CHIA: variants seen among roughly 807,000 people sequenced by gnomAD.
CHIA encodes chitinase acidic, also known as acidic mammalian chitinase.
In CHIA, 47 loss-of-function variants were observed where a neutral mutation model predicts 53.5. That is an observed-to-expected ratio of 0.88 (90% CI 0.70 to 1.12). The LOEUF (loss-of-function observed/expected upper bound fraction) is 1.12, where lower values mean the gene tolerates loss of function less well. Ranked by LOEUF, CHIA falls within the 50% of genes most tolerant of loss-of-function variation. The probability of loss-of-function intolerance (pLI) is 0.00; values close to 1 mark genes in which losing one functional copy is unlikely to be tolerated. For synonymous variants in CHIA, 268 were observed against 222.2 expected (o/e 1.21, Z -1.83); for missense variants, 652 against 592.2 (o/e 1.10, Z -1.05).
At chr1:111,311,562 A>G in intron 2 of CHIA, 127 bp from the exon 3 acceptor site, 1 of 1,062,268 alleles carries the variant, frequency 9.4e-7, no homozygotes, top group Non-Finnish European at 1.4e-6. Context: ...AGCCTTTGGA[A>G]TCACCACCAA....
At chr1:111,304,141 C>T (rs72984189) in intron 1 of CHIA, among the ~76,000 whole-genome samples, 1 of 152,082 alleles carries the variant, frequency 6.6e-6, no homozygotes, top group East Asian at 1.9e-4. Context: ...TGGCCAGTTG[C>T]TTCTCTTTTG....
In CHIA at chr1:111,320,332, A is replaced by T; in HGVS notation, c.1297A>T (p.Arg433Ter). 1 of 1,614,232 alleles carries T rather than the reference A, an allele frequency of 6.2e-7. No individual in the cohort carries two copies. Among genetic ancestry groups the T allele is most frequent in the Middle Eastern group, 1.6e-4 (1 of 6,062 alleles). Reference sequence around the variant, plus strand: ...GGGAGGCAGTGGATTCTGTGCTGTCAGAGCCAACGGCCTCTACCCCGTGGC... The same window carrying T: ...GGGAGGCAGTGGATTCTGTGCTGTCTGAGCCAACGGCCTCTACCCCGTGGC... ...SSGGSGFCAV[R>*]ANGLYPVANN... The change falls in exon 12 of 12, where the codon AGA becomes TGA. Residue 433 changes from arginine to a stop codon, truncating the protein, a stop_gained. Transcript: ENST00000369740. LOFTEE classifies it low-confidence loss of function (END_TRUNC).
chr1:111,310,513 T>A, intron 2 of CHIA, 21 bp downstream of exon 2: 1 of 1,614,204 alleles, frequency 6.2e-7, no homozygotes. Flanking sequence ...AATCAGAGAT[T>A]GACCCTTCAT....
intron 6 of CHIA, 83 bp downstream of exon 6, chr1:111,315,518 A>C (rs1300575151): frequency 6.4e-6 from 9 of 1,401,648 alleles, no homozygotes; most frequent in African/African-American, 1.4e-5. Context: ...CTAGGGTAAA[A>C]CAAAACTTGA....
At chr1:111,314,018 C>A (rs993522985) in intron 4 of CHIA, among the ~76,000 whole-genome samples, 10 of 152,154 alleles carry the variant, frequency 6.6e-5, no homozygotes, top group Admixed American at 5.2e-4. Context: ...TTAGTCCCTA[C>A]TGCAATCCAA....
intron 1 of CHIA, among the ~76,000 whole-genome samples, chr1:111,294,188 C>T (rs1367668833): frequency 6.6e-6 from 1 of 152,164 alleles, no homozygotes; most frequent in Non-Finnish European, 1.5e-5. Context: ...TTGAGTCTTC[C>T]AACTCATGAA....
chr1:111,308,279 A>G (rs777101203), intron 1 of CHIA, among the ~76,000 whole-genome samples: 2 of 152,240 alleles, frequency 1.3e-5, no homozygotes, highest in African/African-American at 2.4e-5. Context: ...CCTGAATACG[A>G]TAAACCTGGA....
At chr1:111,314,494 A>C in intron 4 of CHIA, 46 bp from the exon 5 acceptor site, 4 of 1,256,246 alleles carry the variant, frequency 3.2e-6, no homozygotes, top group African/African-American at 1.5e-5. Context: ...AAATGGAGGG[A>C]GTCCTGACTT....
chr1:111,293,421 A>G (rs1386735167), intron 1 of CHIA, among the ~76,000 whole-genome samples: 2 of 151,932 alleles, frequency 1.3e-5, no homozygotes, highest in African/African-American at 4.8e-5. Context: ...TCCATTTTGA[A>G]TCAAGTTGTT....
At chr1:111,313,326 T>G (rs1361817375) in intron 4 of CHIA, among the ~76,000 whole-genome samples, 1 of 152,220 alleles carries the variant, frequency 6.6e-6, no homozygotes, top group Non-Finnish European at 1.5e-5. Flanking sequence ...ACCTTTCATC[T>G]TTTTGATAAC....
chr1:111,296,859 AC>A (rs1361710081), intron 1 of CHIA, among the ~76,000 whole-genome samples: 1 of 152,204 alleles, frequency 6.6e-6, no homozygotes, highest in African/African-American at 2.4e-5. Flanking sequence ...ACCAGAATAA[AC>A]AGTGTAGAGA....
intron 1 of CHIA, among the ~76,000 whole-genome samples, chr1:111,301,836 T>A (rs1317283863): frequency 6.6e-6 from 1 of 151,654 alleles, no homozygotes; most frequent in Non-Finnish European, 1.5e-5. Flanking sequence ...TTCTTACTCA[T>A]AGGTGTAAAT....
At chr1:111,304,853 C>A (rs529814045) in intron 1 of CHIA, among the ~76,000 whole-genome samples, 31 of 152,152 alleles carry the variant, frequency 2.0e-4, no homozygotes, top group Non-Finnish European at 4.3e-4. Context: ...AATGTGGTAT[C>A]TCTGAAAAGC....
chr1:111,297,387 C>T (rs1647259169), intron 1 of CHIA, among the ~76,000 whole-genome samples: 1 of 152,192 alleles, frequency 6.6e-6, no homozygotes, highest in Non-Finnish European at 1.5e-5. Context: ...TCTGCAGAAA[C>T]TCTACAAGCC....
intron 2 of CHIA, 47 bp from the exon 3 acceptor site, chr1:111,311,642 G>A: frequency 1.2e-6 from 2 of 1,605,080 alleles, no homozygotes; most frequent in Non-Finnish European, 1.7e-6. Context: ...AGATTCTACG[G>A]GGTACAGACA....
intron 6 of CHIA, 78 bp downstream of exon 6, chr1:111,315,513 G>GT: frequency 6.9e-7 from 1 of 1,459,164 alleles, no homozygotes; most frequent in Non-Finnish European, 9.2e-7. Flanking sequence ...TGGCTCTAGG[G>GT]TAAAACAAAA....
rs1186290244 is a variant in CHIA at position 111,309,061 on chromosome 1, G to C, written c.-68-1339G>C. 2.0e-5 allele frequency among the ~76,000 whole-genome samples: 3 copies of C among 152,226 alleles called. No homozygotes were observed. The East Asian group carries it at 5.8e-4, about 29-fold the overall frequency. ...ACGAGGGAAAGCATCAGGAAAAATAGCTAACGCATGCTGGGCTTAATATTT... is the reference window on the plus strand; with the variant it reads ...ACGAGGGAAAGCATCAGGAAAAATACCTAACGCATGCTGGGCTTAATATTT... On this transcript the variant is annotated intron_variant, in intron 1 of 11. Transcript: ENST00000369740.
chr1:111,315,514 T>C (rs1649087391), intron 6 of CHIA, 79 bp downstream of exon 6: 1 of 1,450,422 alleles, frequency 6.9e-7, no homozygotes, highest in South Asian at 1.4e-5. Context: ...GGCTCTAGGG[T>C]AAAACAAAAC....
intron 6 of CHIA, chr1:111,316,596 G>A (rs1303825952): frequency 1.3e-5 from 2 of 152,190 alleles, no homozygotes; most frequent in Admixed American, 1.3e-4. Flanking sequence ...AGGAAGAAGT[G>A]TAGATTTGAA....
Sources: gnomAD v4.1 joint callset for allele counts (sites outside exome capture counted in the v4.1 genomes callset) on GRCh38, gnomAD v4.1.1 for gene constraint, MANE v1.5 for transcripts, NCBI Gene and HGNC (gene_info 2026-07-23, HGNC 2026-07-21) for gene names.